HS3ST4: variants seen among roughly 807,000 people sequenced by gnomAD.
HS3ST4 encodes the protein heparan sulfate glucosamine 3-O-sulfotransferase 4.
A neutral mutation model predicts 29.2 loss-of-function variants in HS3ST4; 17 were observed. The ratio of observed to expected loss-of-function variants is 0.58; its 90% CI spans 0.40 to 0.87. The LOEUF is 0.87. Among genes scored for constraint, HS3ST4 ranks in the 40% least tolerant of loss-of-function variants. HS3ST4 has a pLI of 0.00. For missense variants in HS3ST4, 627 were observed against 634.5 expected (o/e 0.99, Z 0.13); for synonymous variants, 314 against 285.7 (o/e 1.10, Z -1.00).
intron 1 of HS3ST4, among the ~76,000 whole-genome samples, chr16:26,119,492 T>C (rs1899243691): frequency 6.6e-6 from 1 of 152,178 alleles, no homozygotes; most frequent in African/African-American, 2.4e-5. Flanking sequence ...TCCCAGGTTT[T>C]AGACTGAGCA....
rs569219422 is a variant in HS3ST4 at position 25,881,498 on chromosome 16, G to T, written c.734+188347G>T. 2.5e-3 allele frequency among the ~76,000 whole-genome samples: 384 copies of T among 152,292 alleles called. 1 individual carries two copies. Among genetic ancestry groups the T allele is most frequent in the Non-Finnish European group, 2.8e-3 (193 of 68,022 alleles). ...CGATACCAGACAATGGCAGTAAAGG[G>T]CACCTGGATGCTTGGATAGACATTC... is the stretch of plus-strand genomic sequence containing the variant. On this transcript the variant is annotated intron_variant, in intron 1 of 1. Transcript: ENST00000331351.
chr16:25,762,084 T>A (rs1433055850), intron 1 of HS3ST4, among the ~76,000 whole-genome samples: 4 of 152,078 alleles, frequency 2.6e-5, no homozygotes, highest in Non-Finnish European at 4.4e-5. Flanking sequence ...AGGATTAGTG[T>A]CCCTCTGAGA....
chr16:25,944,243 T>C (rs1364563192), intron 1 of HS3ST4, among the ~76,000 whole-genome samples: 1 of 152,174 alleles, frequency 6.6e-6, no homozygotes, highest in Admixed American at 6.5e-5. Flanking sequence ...ATTTATTAAG[T>C]GACGGAAAAG....
intron 1 of HS3ST4, among the ~76,000 whole-genome samples, chr16:25,901,968 T>C (rs895654501): frequency 6.6e-6 from 1 of 152,226 alleles, no homozygotes; most frequent in South Asian, 2.1e-4. Context: ...TCTTATCATA[T>C]GTCTGTGTCT....
intron 1 of HS3ST4, among the ~76,000 whole-genome samples, chr16:25,854,752 C>A (rs1264484214): frequency 6.7e-6 from 1 of 149,548 alleles, no homozygotes; most frequent in African/African-American, 2.5e-5. Context: ...TACTGGAGCC[C>A]TTGGTGTGGT....
At chr16:26,050,839 G>A (rs964063298) in intron 1 of HS3ST4, among the ~76,000 whole-genome samples, 3 of 152,144 alleles carry the variant, frequency 2.0e-5, no homozygotes, top group Non-Finnish European at 4.4e-5. Flanking sequence ...TTTCAAAAGT[G>A]CCATTCAGAG....
chr16:25,890,017 T>C (rs537917581), intron 1 of HS3ST4, among the ~76,000 whole-genome samples: 1 of 152,326 alleles, frequency 6.6e-6, no homozygotes, highest in South Asian at 2.1e-4. Context: ...TCAACCTCTT[T>C]CTTTTATAAA....
intron 1 of HS3ST4, among the ~76,000 whole-genome samples, chr16:26,021,283 A>T (rs892644163): frequency 6.6e-6 from 1 of 152,162 alleles, no homozygotes; most frequent in Non-Finnish European, 1.5e-5. Flanking sequence ...TCTTCCTTCG[A>T]AAAGTTAAAA....
intron 1 of HS3ST4, among the ~76,000 whole-genome samples, chr16:26,085,110 G>A: frequency 6.6e-6 from 1 of 152,274 alleles, no homozygotes; most frequent in South Asian, 2.1e-4. Flanking sequence ...TGCTCAACCG[G>A]CTTTCTGGAG....
chr16:26,032,843 T>A, intron 1 of HS3ST4: 1 of 1,566,532 alleles, frequency 6.4e-7, no homozygotes, highest in Non-Finnish European at 8.7e-7. Flanking sequence ...AGGACGTAGG[T>A]GCTGGACGCG....
At chr16:26,094,508 C>G (rs1281943404) in intron 1 of HS3ST4, among the ~76,000 whole-genome samples, 1 of 152,176 alleles carries the variant, frequency 6.6e-6, no homozygotes, top group East Asian at 1.9e-4. Context: ...CATATCCAAC[C>G]AAACTAAGCT....
chr16:25,828,288 CTTTCTTTCTTTCCCTCTCT>C (rs1567249455), intron 1 of HS3ST4, among the ~76,000 whole-genome samples: 33 of 88,462 alleles, frequency 3.7e-4, no homozygotes, highest in East Asian at 3.3e-3. Context: ...TTCTTTCTTT[CTTTCTTTCTTTCCCTCTCT>C]CTCTCTCTCT....
intron 1 of HS3ST4, among the ~76,000 whole-genome samples, chr16:25,909,270 C>A (rs576115299): frequency 1.4e-4 from 21 of 152,258 alleles, no homozygotes; most frequent in African/African-American, 4.8e-4. Flanking sequence ...CTCACTGCAA[C>A]CTCCACCTCC....
chr16:25,862,828 C>T (rs888768527), intron 1 of HS3ST4, among the ~76,000 whole-genome samples: 1 of 152,196 alleles, frequency 6.6e-6, no homozygotes, highest in Non-Finnish European at 1.5e-5. Context: ...TTATTTGTAT[C>T]TTGAACTTCA....
rs991947833 is a variant in HS3ST4 at position 26,108,765 on chromosome 16, A to G, written c.735-26847A>G. Among the ~76,000 whole-genome samples the G allele has an allele frequency of 3.9e-5, 6 of 152,338 alleles. 1 individual carries two copies. The highest frequency in any genetic ancestry group is 1.4e-4 in the African/African-American group (6 of 41,572). On this transcript the variant is annotated intron_variant, in intron 1 of 1. Transcript: ENST00000331351. ...TTTAGATTTTGTCATGGATTTCTCA[A>G]ATAGGCTAGGAACTCCTTGATGACA...
At chr16:25,694,378 G>A (rs1439551038) in intron 1 of HS3ST4, among the ~76,000 whole-genome samples, 3 of 152,180 alleles carry the variant, frequency 2.0e-5, no homozygotes, top group African/African-American at 7.2e-5. Flanking sequence ...TTAAAAATAT[G>A]CCTTATGCTT....
chr16:25,735,929 C>T (rs543256616), intron 1 of HS3ST4, among the ~76,000 whole-genome samples: 4 of 152,124 alleles, frequency 2.6e-5, no homozygotes, highest in Non-Finnish European at 1.5e-5. Flanking sequence ...AAAATTGAGG[C>T]ACTAATTACC....
chr16:25,920,218 C>G (rs950927870), intron 1 of HS3ST4, among the ~76,000 whole-genome samples: 1 of 152,116 alleles, frequency 6.6e-6, no homozygotes, highest in African/African-American at 2.4e-5. Flanking sequence ...CTCTTTCAAC[C>G]CTTGCCTAGA....
chr16:25,831,440 CACAA>C (rs1177263809), intron 1 of HS3ST4, among the ~76,000 whole-genome samples: 1 of 145,352 alleles, frequency 6.9e-6, no homozygotes, highest in Non-Finnish European at 1.5e-5. Flanking sequence ...CACACACACA[CACAA>C]ACCTGACGTG....
Sources: allele counts gnomAD v4.1 joint callset (sites outside exome capture counted in the v4.1 genomes callset), GRCh38; gene constraint gnomAD v4.1.1; transcripts MANE v1.5; gene names NCBI Gene and HGNC (gene_info 2026-07-23, HGNC 2026-07-21).